The following PBX4 variants were observed in gnomAD, a reference collection of about 807,000 sequenced individuals.
PBX4 encodes pre-B-cell leukemia transcription factor 4.
A neutral mutation model predicts 35.1 loss-of-function variants in PBX4; 26 were observed. The observed-to-expected ratio is 0.74, with a 90% CI of 0.54 to 1.03. The LOEUF is 1.03. Ranked by LOEUF, PBX4 falls within the 50% of genes least tolerant of loss-of-function variation. PBX4 has a pLI of 0.00. For missense variants in PBX4, 448 were observed against 504.3 expected (o/e 0.89, Z 1.07); for synonymous variants, 199 against 204.2 (o/e 0.97, Z 0.22).
chr19:19,581,878 G>C (rs2061456683), intron 2 of PBX4, among the ~76,000 whole-genome samples: 1 of 152,176 alleles, frequency 6.6e-6, no homozygotes, highest in African/African-American at 2.4e-5. Context: ...ATAGGTGGGG[G>C]CTTCCAAGTG....
Position 19,599,169 on chromosome 19 carries a change from A to C in PBX4, c.193+123T>G, listed in dbSNP as rs1274169461. Reference sequence around the variant, plus strand: ...TTTTTAATAGAGACAGGGTTTCTCCATGTTGGTCAGGCTGGTCTGGAATCC... The same window carrying C: ...TTTTTAATAGAGACAGGGTTTCTCCCTGTTGGTCAGGCTGGTCTGGAATCC... On this transcript the variant is annotated intron_variant, in intron 2 of 7. Coordinates refer to ENST00000251203, the MANE Select transcript of PBX4 (RefSeq NM_025245.3). 6.7e-6 allele frequency: 5 copies of C among 745,184 alleles called. No homozygotes were observed. In the Admixed American group the frequency reaches 9.0e-5, roughly 13 times the overall value. 46.2% of individuals were successfully genotyped at this position (745,184 alleles called of 1,614,324 possible).
chr19:19,609,263 T>C (rs2061648812), intron 1 of PBX4, among the ~76,000 whole-genome samples: 1 of 152,056 alleles, frequency 6.6e-6, no homozygotes, highest in Non-Finnish European at 1.5e-5. Flanking sequence ...AGAAACACAG[T>C]GAAGAGCCAG....
At position 19,569,429 on chromosome 19, in the gene PBX4, G is replaced by A. The variant is rs58210809; in HGVS notation, c.768+20C>T. On this transcript the variant is annotated intron_variant, in intron 5 of 7. Transcript: ENST00000251203. ...CCACTCCTCCCAGGCGTGGCGAGACGTGGCAGGAGAGAACGTCACCTGGGA... is the reference window on the plus strand; with the variant it reads ...CCACTCCTCCCAGGCGTGGCGAGACATGGCAGGAGAGAACGTCACCTGGGA... The A allele has an allele frequency of 1.5e-3, 2,336 of 1,601,940 alleles. 27 individuals are homozygous for A. In the African/African-American group the frequency reaches 0.025, roughly 17 times the overall value.
chr19:19,572,532 G>A (rs532829524), intron 2 of PBX4, among the ~76,000 whole-genome samples: 1 of 150,498 alleles, frequency 6.6e-6, no homozygotes, highest in African/African-American at 2.5e-5. Context: ...CAAAACTGAA[G>A]GAACTCAAGC....
chr19:19,577,207 A>AC (rs988547304), intron 2 of PBX4, among the ~76,000 whole-genome samples: 2 of 152,012 alleles, frequency 1.3e-5, no homozygotes, highest in Non-Finnish European at 2.9e-5. Context: ...AAAAAAAAAA[A>AC]AAAAACTCTC....
chr19:19,577,815 C>T (rs141587117), intron 2 of PBX4, among the ~76,000 whole-genome samples: 2,678 of 149,910 alleles, frequency 0.018, 83 homozygotes, highest in South Asian at 0.11. Context: ...GCTGAGATCG[C>T]GCCAGTGCAC....
At chr19:19,616,595 G>A (rs1280892830) in intron 1 of PBX4, among the ~76,000 whole-genome samples, 1 of 151,992 alleles carries the variant, frequency 6.6e-6, no homozygotes, top group Non-Finnish European at 1.5e-5. Flanking sequence ...GGGATTACAG[G>A]TGTCAGCCAC....
intron 6 of PBX4, 52 bp downstream of exon 6, chr19:19,564,881 A>G (rs1283218736): frequency 6.2e-7 from 1 of 1,609,640 alleles, no homozygotes; most frequent in African/African-American, 1.3e-5. Flanking sequence ...GATGCAGCTC[A>G]GTGGCCGTCC....
chr19:19,572,316 G>A (rs903934938), intron 2 of PBX4, among the ~76,000 whole-genome samples: 3 of 151,314 alleles, frequency 2.0e-5, no homozygotes, highest in Non-Finnish European at 4.4e-5. Flanking sequence ...CTCATGATCC[G>A]CCTGCCTTGG....
In PBX4 at chr19:19,562,807, G is replaced by A. The variant is rs549227010; in HGVS notation, c.1033-690C>T. Among the ~76,000 whole-genome samples the A allele has an allele frequency of 6.6e-6, 1 of 152,216 alleles. No individual in the cohort carries two copies. Among genetic ancestry groups the A allele is most frequent in the African/African-American group, 2.4e-5 (1 of 41,460 alleles). ...CGTAGTCAGGTCCCAGGGGTGCAAA[G>A]GGCAAGGTGAGGCCCCTCACGTGTG... is the stretch of plus-strand genomic sequence containing the variant. On this transcript the variant is annotated intron_variant, in intron 7 of 7. Coordinates refer to ENST00000251203, the MANE Select transcript of PBX4 (RefSeq NM_025245.3). The surrounding 1 kb of genome is among the most constrained non-coding windows in gnomAD (Gnocchi z 4.8).
intron 2 of PBX4, among the ~76,000 whole-genome samples, chr19:19,574,192 TACC>T (rs1355609070): frequency 6.6e-6 from 1 of 152,216 alleles, no homozygotes; most frequent in African/African-American, 2.4e-5. Context: ...CTAAAATTTC[TACC>T]ACCAAGTCTA....
chr19:19,594,667 A>C (rs2144761578), intron 2 of PBX4, among the ~76,000 whole-genome samples: 1 of 152,298 alleles, frequency 6.6e-6, no homozygotes, highest in South Asian at 2.1e-4. Flanking sequence ...GTTCAGCCCC[A>C]GCAGCTCACT....
chr19:19,565,112 G>A (rs2061333845), intron 5 of PBX4, 23 bp from the exon 6 acceptor site: 6 of 1,613,934 alleles, frequency 3.7e-6, no homozygotes, highest in Non-Finnish European at 5.1e-6. Context: ...AGGAGTCACT[G>A]GAGGAGCTGA....
chr19:19,569,457 T>G lies in PBX4; in HGVS notation c.760A>C (p.Ile254Leu). 6.2e-7 allele frequency: 1 copy of G among 1,611,180 alleles called. No homozygotes were observed. Among genetic ancestry groups the G allele is most frequent in the Non-Finnish European group, 8.5e-7 (1 of 1,178,808 alleles). ...GCAGGAGAGAACGTCACCTGGGAGATGGTGAGGCCGCCCTTCCTGGCCAGC... is the reference window on the plus strand; with the variant it reads ...GCAGGAGAGAACGTCACCTGGGAGAGGGTGAGGCCGCCCTTCCTGGCCAGC... ...EELARKGGLT[I>L]SQVSNWFGNK... Residue 254 changes from isoleucine to leucine, a missense_variant, in exon 5 of 8, where the codon ATC (isoleucine) becomes CTC (leucine). Physicochemically the swap from Ile to Leu is conservative, Grantham distance 5. Transcript: ENST00000251203.
chr19:19,580,831 C>G (rs2061449411), intron 2 of PBX4, among the ~76,000 whole-genome samples: 2 of 152,258 alleles, frequency 1.3e-5, no homozygotes, highest in Admixed American at 1.3e-4. Flanking sequence ...TTCCTGGGCT[C>G]AAGTGATCCT....
intron 2 of PBX4, among the ~76,000 whole-genome samples, chr19:19,573,328 T>TACACACACACACACACACACAC (rs1387587008): frequency 1.1e-5 from 1 of 92,138 alleles, no homozygotes; most frequent in Non-Finnish European, 2.1e-5. Context: ...AAAAAAAAAA[T>TACACACACACACACACACACAC]ATACACACAC....
intron 1 of PBX4, among the ~76,000 whole-genome samples, chr19:19,615,720 C>T (rs2061685511): frequency 6.6e-6 from 1 of 152,160 alleles, no homozygotes; most frequent in African/African-American, 2.4e-5. Flanking sequence ...GGTGAAACCC[C>T]ATCTCTACTA....
At chr19:19,572,162 T>C (rs56159542) in intron 2 of PBX4, among the ~76,000 whole-genome samples, 120,058 of 140,980 alleles carry the variant, frequency 0.85, 51,470 homozygotes, top group East Asian at 1. Flanking sequence ...GCAACCTCTG[T>C]CTCCCAGGTT....
At chr19:19,567,195 A>G (rs972632536) in intron 5 of PBX4, among the ~76,000 whole-genome samples, 1 of 152,068 alleles carries the variant, frequency 6.6e-6, no homozygotes, top group Admixed American at 6.6e-5. Flanking sequence ...CCTCCAGACA[A>G]TTGTTCCTTG....
Sources: gnomAD v4.1 joint callset for allele counts (sites outside exome capture counted in the v4.1 genomes callset) on GRCh38, gnomAD v4.1.1 for gene constraint, Gnocchi (gnomAD v3.1) non-coding constraint, MANE v1.5 for transcripts, NCBI Gene and HGNC (gene_info 2026-07-23, HGNC 2026-07-21) for gene names.